JAKMIP3: variants seen among roughly 807,000 people sequenced by gnomAD.
The protein encoded by JAKMIP3 is Janus kinase and microtubule interacting protein 3.
In JAKMIP3, 58 loss-of-function variants were observed where a neutral mutation model predicts 118.5. The ratio of observed to expected loss-of-function variants is 0.49; its 90% CI spans 0.40 to 0.61. The LOEUF is 0.61. Among genes scored for constraint, JAKMIP3 ranks in the 20% least tolerant of loss-of-function variants. The pLI, the probability that JAKMIP3 is intolerant of heterozygous loss-of-function variation, is 0.00. For missense variants in JAKMIP3, 950 were observed against 1,109.0 expected (o/e 0.86, Z 2.04); for synonymous variants, 486 against 451.2 (o/e 1.08, Z -0.98).
intron 3 of JAKMIP3, among the ~76,000 whole-genome samples, chr10:132,123,387 GC>G (rs1000632306): frequency 1.3e-5 from 2 of 152,220 alleles, no homozygotes; most frequent in Non-Finnish European, 2.9e-5. Flanking sequence ...AGACGCAAAA[GC>G]CAGTTTCTCC....
intron 19 of JAKMIP3, among the ~76,000 whole-genome samples, chr10:132,154,555 G>A (rs1020180376): frequency 9.2e-5 from 14 of 152,204 alleles, no homozygotes; most frequent in South Asian, 2.1e-4. Flanking sequence ...CTCCTATCAC[G>A]TGACGGAAGG....
chr10:132,177,006 T>C (rs1225419936), intron 23 of JAKMIP3, among the ~76,000 whole-genome samples: 1 of 152,146 alleles, frequency 6.6e-6, no homozygotes, highest in Admixed American at 6.5e-5. Flanking sequence ...GGCGAAGGTG[T>C]TTCTCAAATG....
chr10:132,051,935 A>T (rs2038116854), intron 1 of JAKMIP3, among the ~76,000 whole-genome samples: 1 of 152,246 alleles, frequency 6.6e-6, no homozygotes, highest in Non-Finnish European at 1.5e-5. Context: ...AAGCATATTT[A>T]AAACATTATC....
At chr10:132,164,190 A>G (rs2136604499) in intron 20 of JAKMIP3, among the ~76,000 whole-genome samples, 1 of 152,288 alleles carries the variant, frequency 6.6e-6, no homozygotes, top group East Asian at 1.9e-4. Flanking sequence ...TTTGGTCTCC[A>G]GGGGCTCAGG....
At chr10:132,040,168 G>GGC (rs887844879) in intron 1 of JAKMIP3, among the ~76,000 whole-genome samples, 4 of 152,150 alleles carry the variant, frequency 2.6e-5, no homozygotes, top group African/African-American at 7.2e-5. Flanking sequence ...TTATAGGGTG[G>GGC]GCCCCCAGGA....
chr10:132,117,989 G>A lies in JAKMIP3; in HGVS notation c.633+415G>A, dbSNP rs993227632. Among the ~76,000 whole-genome samples, 1 of 152,244 alleles carries A rather than the reference G, an allele frequency of 6.6e-6. No homozygotes were observed. Among genetic ancestry groups the A allele is most frequent in the East Asian group, 1.9e-4 (1 of 5,172 alleles). On this transcript the variant is annotated intron_variant, in intron 3 of 23. Coordinates refer to ENST00000684848, the MANE Select transcript of JAKMIP3 (RefSeq NM_001323087.2). This position sits in a 1 kb window ranked among gnomAD's most constrained non-coding sequence, Gnocchi z 8.6. The stretch of plus-strand genomic sequence containing the variant: ...GACACCAGGCAGGGCTCAGTGTTTC[G>A]CAGCAGGAGTCCCACACATCCTCAC...
At chr10:132,109,366 A>G (rs955150751) in intron 2 of JAKMIP3, among the ~76,000 whole-genome samples, 7 of 152,204 alleles carry the variant, frequency 4.6e-5, no homozygotes, top group Admixed American at 6.5e-5. Context: ...CACACAGAAA[A>G]GAATATGGCA....
Position 132,138,159 on chromosome 10 carries a change from A to T in JAKMIP3, c.1325A>T (p.Lys442Ile). 6 of 1,611,688 alleles carry T rather than the reference A, an allele frequency of 3.7e-6. No homozygotes were observed. The highest frequency in any genetic ancestry group is 5.1e-6 in the Non-Finnish European group (6 of 1,178,918). ...TTAAGATTCCGGAAGCAAAGAAAGA[A>T]AATGGCAAAACTTCCCAAGGTAAGG... Reference protein sequence around the residue: ...KLLRFRKQRKKMAKLPKPVVV... With the variant: ...KLLRFRKQRKIMAKLPKPVVV... Residue 442 changes from lysine to isoleucine, a missense_variant, in exon 9 of 24, where the codon AAA becomes ATA. Transcript: ENST00000684848.
intron 1 of JAKMIP3, among the ~76,000 whole-genome samples, chr10:132,050,009 C>T (rs1186050698): frequency 6.6e-6 from 1 of 152,168 alleles, no homozygotes; most frequent in South Asian, 2.1e-4. Context: ...TTCCCAAGTT[C>T]ATGGTCATAT....
chr10:132,139,136 A>ATGTGTATGTGAGTATGAG (rs2052583912), intron 9 of JAKMIP3, among the ~76,000 whole-genome samples: 1 of 133,740 alleles, frequency 7.5e-6, no homozygotes, highest in African/African-American at 2.9e-5. Context: ...GTGTGTGTGC[A>ATGTGTATGTGAGTATGAG]TGTGTATGTG....
chr10:132,097,318 G>A (rs952844602), intron 1 of JAKMIP3, among the ~76,000 whole-genome samples: 2 of 152,166 alleles, frequency 1.3e-5, no homozygotes, highest in South Asian at 2.1e-4. Context: ...TCTGCGGCGA[G>A]AAGGGTGAAC....
In JAKMIP3 at chr10:132,100,214, G is replaced by A. The variant is rs551044476; in HGVS notation, c.-137-4458G>A. 1.4e-4 allele frequency among the ~76,000 whole-genome samples: 22 copies of A among 152,102 alleles called. No individual in the cohort carries two copies. In the East Asian group the frequency reaches 1.9e-3, roughly 13 times the overall value. On this transcript the variant is annotated intron_variant, in intron 1 of 23. Coordinates refer to ENST00000684848, the MANE Select transcript of JAKMIP3 (RefSeq NM_001323087.2). ...ACCCCCACACAGGTCCCTCAGACCC[G>A]CTCCCACCCCGTTGGAGAACTGTGG...
At chr10:132,057,781 C>T (rs1463368289) in intron 1 of JAKMIP3, among the ~76,000 whole-genome samples, 2 of 152,194 alleles carry the variant, frequency 1.3e-5, no homozygotes, top group East Asian at 1.9e-4. Context: ...GTGAGAGGGA[C>T]GCTGTCTCCA....
intron 1 of JAKMIP3, among the ~76,000 whole-genome samples, chr10:132,080,857 C>T (rs1159795178): frequency 1.3e-5 from 2 of 152,060 alleles, no homozygotes; most frequent in Non-Finnish European, 2.9e-5. Context: ...GGACATGAAC[C>T]CCTTATGAGA....
At position 132,108,782 on chromosome 10, in the gene JAKMIP3, C is replaced by T. The variant is rs1053429823; in HGVS notation, c.135+3839C>T. 4.0e-5 allele frequency among the ~76,000 whole-genome samples: 6 copies of T among 151,742 alleles called. 1 individual carries two copies. The East Asian group carries it at 1.2e-3, about 29-fold the overall frequency. The stretch of plus-strand genomic sequence containing the variant: ...CTTTGGAAGGCTGAGGCGGGAGAAT[C>T]GCTTCAGCCCAGGAATTCGAGACCA... On this transcript the variant is annotated intron_variant, in intron 2 of 23. Coordinates refer to ENST00000684848, the MANE Select transcript of JAKMIP3 (RefSeq NM_001323087.2).
At chr10:132,050,044 TTC>T (rs1263996000) in intron 1 of JAKMIP3, among the ~76,000 whole-genome samples, 3 of 152,124 alleles carry the variant, frequency 2.0e-5, no homozygotes, top group Admixed American at 2.0e-4. Flanking sequence ...CCTTATCTCT[TTC>T]TCTCTCTTTT....
At chr10:132,054,731 A>C (rs1048443264) in intron 1 of JAKMIP3, among the ~76,000 whole-genome samples, 3 of 152,210 alleles carry the variant, frequency 2.0e-5, no homozygotes, top group African/African-American at 7.2e-5. Flanking sequence ...GAAGTCAGGA[A>C]TAGAGAGAAG....
chr10:132,154,080 C>CCAGCAGTGCCTCAGGTGCCCAG (rs138366344), intron 19 of JAKMIP3, 90 bp downstream of exon 19: 3 of 1,186,114 alleles, frequency 2.5e-6, no homozygotes, highest in African/African-American at 1.5e-5. Context: ...CCTCAGGTGC[C>CCAGCAGTGCCTCAGGTGCCCAG]CATGTGGGCC....
At chr10:132,103,749 A>G (rs2045474102) in intron 1 of JAKMIP3, among the ~76,000 whole-genome samples, 1 of 152,064 alleles carries the variant, frequency 6.6e-6, no homozygotes, top group Non-Finnish European at 1.5e-5. Flanking sequence ...GCTGGGCCAT[A>G]CAGCAGGAGG....
Sources: allele counts gnomAD v4.1 joint callset (sites outside exome capture counted in the v4.1 genomes callset), GRCh38; gene constraint gnomAD v4.1.1; non-coding constraint Gnocchi (gnomAD v3.1); transcripts MANE v1.5; gene names NCBI Gene and HGNC (gene_info 2026-07-23, HGNC 2026-07-21).